Variants in MYRIP observed in about 807,000 individuals in gnomAD.
MYRIP encodes rab effector MyRIP.
In MYRIP, 49 loss-of-function variants were observed where a neutral mutation model predicts 98.0. The ratio of observed to expected loss-of-function variants is 0.50; its 90% CI spans 0.40 to 0.63. The LOEUF is 0.63. Ranked by LOEUF, MYRIP falls within the 30% of genes least tolerant of loss-of-function variation. The pLI, the probability that MYRIP is intolerant of heterozygous loss-of-function variation, is 0.00. For synonymous variants in MYRIP, 404 were observed against 409.5 expected (o/e 0.99, Z 0.16); for missense variants, 1,004 against 1,058.2 (o/e 0.95, Z 0.71).
chr3:39,864,781 C>T (rs1942574825), intron 1 of MYRIP, among the ~76,000 whole-genome samples: 1 of 152,090 alleles, frequency 6.6e-6, no homozygotes, highest in African/African-American at 2.4e-5. Flanking sequence ...ACATTCTTCA[C>T]AGAATTAGAA....
chr3:39,950,348 T>C (rs1480255859), intron 2 of MYRIP, among the ~76,000 whole-genome samples: 2 of 152,212 alleles, frequency 1.3e-5, no homozygotes, highest in Non-Finnish European at 2.9e-5. Context: ...TATCATTTGC[T>C]TTCCTTTATA....
Position 40,044,101 on chromosome 3 carries a change from G to C in MYRIP, c.162G>C (p.Ser54=), listed in dbSNP as rs568166368. 35 of 1,614,080 alleles carry C rather than the reference G, an allele frequency of 2.2e-5. No homozygotes were observed. Among genetic ancestry groups the C allele is most frequent in the Non-Finnish European group, 2.9e-5 (34 of 1,179,988 alleles). Residue 54 remains serine, a synonymous_variant, in exon 3 of 17, where the codon TCG becomes TCC. Transcript: ENST00000302541. ...AAGGCAGCAAGTGCAGCATCCTCTC[G>C]AAGCACCAGCAGTTTGTGGAGCACT... The part of the protein sequence containing the change: ...DEEGSKCSIL[S]KHQQFVEHCC...
At chr3:40,214,275 G>A (rs1452490579) in intron 11 of MYRIP, among the ~76,000 whole-genome samples, 1 of 152,204 alleles carries the variant, frequency 6.6e-6, no homozygotes. Flanking sequence ...CTCACACAGA[G>A]GGGGAGCTCA....
At chr3:40,002,449 C>A (rs538470791) in intron 2 of MYRIP, among the ~76,000 whole-genome samples, 1 of 151,922 alleles carries the variant, frequency 6.6e-6, no homozygotes. Flanking sequence ...GCAGGAGAAT[C>A]GCTTGAACCC....
At chr3:39,818,847 A>G (rs1306709937) in intron 1 of MYRIP, among the ~76,000 whole-genome samples, 1 of 152,192 alleles carries the variant, frequency 6.6e-6, no homozygotes, top group Admixed American at 6.5e-5. Context: ...TTCTATAGCA[A>G]TGTAGATGGA....
chr3:40,101,283 T>C (rs1489289276), intron 3 of MYRIP, among the ~76,000 whole-genome samples: 1 of 152,206 alleles, frequency 6.6e-6, no homozygotes, highest in Non-Finnish European at 1.5e-5. Flanking sequence ...AGCTTTCTGG[T>C]GTTGCTGTTG....
intron 2 of MYRIP, among the ~76,000 whole-genome samples, chr3:40,037,897 C>G (rs754278800): frequency 2.6e-5 from 4 of 152,094 alleles, no homozygotes; most frequent in Non-Finnish European, 5.9e-5. Flanking sequence ...CACAGATGCT[C>G]CCATGACTTG....
chr3:39,916,187 A>G (rs1321225426), intron 2 of MYRIP, among the ~76,000 whole-genome samples: 1 of 152,102 alleles, frequency 6.6e-6, no homozygotes, highest in African/African-American at 2.4e-5. Context: ...TCTATTAATG[A>G]AACCTTACAA....
intron 2 of MYRIP, among the ~76,000 whole-genome samples, chr3:40,008,965 C>T (rs1455750407): frequency 2.0e-5 from 3 of 152,190 alleles, no homozygotes; most frequent in Admixed American, 6.5e-5. Context: ...TTGTTCAAAG[C>T]TTCTCCTGCC....
chr3:40,150,826 G>A (rs2125573894), intron 3 of MYRIP, among the ~76,000 whole-genome samples: 1 of 152,272 alleles, frequency 6.6e-6, no homozygotes, highest in South Asian at 2.1e-4. Context: ...GATAAAGGTT[G>A]TGGGATTCCC....
At chr3:40,015,210 T>C (rs900759202) in intron 2 of MYRIP, among the ~76,000 whole-genome samples, 5 of 152,330 alleles carry the variant, frequency 3.3e-5, no homozygotes, top group South Asian at 2.1e-4. Context: ...AGAGTTCTAA[T>C]TGGCTTATGT....
At chr3:40,166,792 C>T (rs1243946520) in intron 5 of MYRIP, 54 bp from the exon 6 acceptor site, 3 of 1,196,854 alleles carry the variant, frequency 2.5e-6, no homozygotes, top group Non-Finnish European at 3.7e-6. Flanking sequence ...CTTGAACAAT[C>T]GTTTTACTCA....
chr3:40,134,052 C>T (rs962544155), intron 3 of MYRIP, among the ~76,000 whole-genome samples: 20 of 152,204 alleles, frequency 1.3e-4, no homozygotes, highest in African/African-American at 4.6e-4. Context: ...GTTGGTGGTG[C>T]AGTGCACCCT....
intron 15 of MYRIP, 92 bp from the exon 16 acceptor site, chr3:40,251,789 A>G: frequency 1.2e-6 from 1 of 827,036 alleles, no homozygotes; most frequent in Non-Finnish European, 2.1e-6. Context: ...GTCTAGAACA[A>G]AAGTCTGAGT....
chr3:39,855,871 A>G (rs894623800), intron 1 of MYRIP, among the ~76,000 whole-genome samples: 2 of 151,892 alleles, frequency 1.3e-5, no homozygotes, highest in East Asian at 3.9e-4. Flanking sequence ...TCCACTACCA[A>G]TTTCAGTTGG....
At chr3:39,818,921 A>G (rs1941013284) in intron 1 of MYRIP, among the ~76,000 whole-genome samples, 1 of 152,240 alleles carries the variant, frequency 6.6e-6, no homozygotes, top group Non-Finnish European at 1.5e-5. Context: ...AAAGGAGAAA[A>G]TACATAGGTA....
chr3:40,185,563 A>G (rs139429638), intron 9 of MYRIP, among the ~76,000 whole-genome samples: 1 of 152,232 alleles, frequency 6.6e-6, no homozygotes, highest in South Asian at 2.1e-4. Flanking sequence ...CAACCACCAA[A>G]GTTTTCACAT....
At chr3:40,217,180 G>A (rs1016927617) in intron 11 of MYRIP, among the ~76,000 whole-genome samples, 13 of 152,022 alleles carry the variant, frequency 8.6e-5, no homozygotes, top group Non-Finnish European at 1.3e-4. Flanking sequence ...TCAAACGTTC[G>A]TGGTGCTAAT....
chr3:39,957,804 G>A (rs113277869), intron 2 of MYRIP, among the ~76,000 whole-genome samples: 2 of 151,944 alleles, frequency 1.3e-5, no homozygotes, highest in Admixed American at 6.6e-5. Context: ...CAAAATCTCC[G>A]TAAGCTGATA....
Sources: gnomAD v4.1 joint callset for allele counts (sites outside exome capture counted in the v4.1 genomes callset) on GRCh38, gnomAD v4.1.1 for gene constraint, MANE v1.5 for transcripts, NCBI Gene and HGNC (gene_info 2026-07-23, HGNC 2026-07-21) for gene names.